The following GAS7 variants were observed in gnomAD, a reference collection of about 807,000 sequenced individuals.
GAS7 encodes growth arrest-specific protein 7.
In GAS7, 28 loss-of-function variants were observed where a neutral mutation model predicts 71.1. The ratio of observed to expected loss-of-function variants is 0.39; its 90% CI spans 0.29 to 0.54. The LOEUF (loss-of-function observed/expected upper bound fraction) is 0.54, where lower values mean the gene tolerates loss of function less well. Among genes scored for constraint, GAS7 ranks in the 20% least tolerant of loss-of-function variants. The pLI is 0.62. For missense variants in GAS7, 436 were observed against 627.8 expected (o/e 0.69, Z 3.27); for synonymous variants, 258 against 245.8 (o/e 1.05, Z -0.46).
At chr17:10,143,917 C>T (rs941725646) in intron 1 of GAS7, among the ~76,000 whole-genome samples, 3 of 152,190 alleles carry the variant, frequency 2.0e-5, no homozygotes, top group Non-Finnish European at 4.4e-5. Context: ...TGTGAGTGTG[C>T]TGGAAAATGG....
chr17:10,040,181 G>A (rs532930139), intron 1 of GAS7, among the ~76,000 whole-genome samples: 5 of 152,278 alleles, frequency 3.3e-5, no homozygotes, highest in African/African-American at 9.6e-5. Context: ...GAAAACAGAG[G>A]CTCCTGCGAG....
rs2067568949 is a variant in GAS7, at chr17:9,915,866, G to A, written c.*1362C>T. On this transcript the variant is annotated 3_prime_UTR_variant, in exon 14 of 14. Transcript: ENST00000432992. ...TGACATGGTGGAGAATGTGTTTGCT[G>A]TGGTAGAGAAAGGGAGAAAGTAATG... The A allele has an allele frequency of 4.3e-6, 1 of 232,104 alleles. No homozygotes were observed. The allele number at this position is 232,104 out of a possible 1,614,324, so 14.4% of individuals were successfully genotyped here. A position where few individuals can be genotyped will look rare whatever the true frequency, so the allele number is the denominator to read the frequency against.
chr17:10,118,117 G>C (rs1442935320), intron 1 of GAS7, among the ~76,000 whole-genome samples: 1 of 152,054 alleles, frequency 6.6e-6, no homozygotes, highest in Non-Finnish European at 1.5e-5. Flanking sequence ...TGCTCTCCAG[G>C]GCGTGGAGAC....
intron 1 of GAS7, among the ~76,000 whole-genome samples, chr17:10,172,794 A>G (rs1176947810): frequency 6.6e-6 from 1 of 152,226 alleles, no homozygotes; most frequent in Non-Finnish European, 1.5e-5. Context: ...CTTATTTCTC[A>G]AGTGCCTTTT....
At chr17:10,186,888 C>CAAAAAAA (rs10627234) in intron 1 of GAS7, among the ~76,000 whole-genome samples, 21 of 148,566 alleles carry the variant, frequency 1.4e-4, no homozygotes, top group Admixed American at 6.0e-4. Context: ...ATTCTGTCTC[C>CAAAAAAA]AAAAAAAAAC....
At chr17:9,945,698 C>A (rs779758235) in intron 6 of GAS7, among the ~76,000 whole-genome samples, 1 of 151,600 alleles carries the variant, frequency 6.6e-6, no homozygotes, top group South Asian at 2.1e-4. Flanking sequence ...CGGCTGGGCA[C>A]GATGGCTCAT....
At chr17:10,183,788 G>C (rs2074433514) in intron 1 of GAS7, among the ~76,000 whole-genome samples, 1 of 152,052 alleles carries the variant, frequency 6.6e-6, no homozygotes, top group Admixed American at 6.6e-5. Flanking sequence ...CTTGCAGTGA[G>C]CTGAGATAGC....
Position 9,910,744 on chromosome 17 carries a change from CG to C in GAS7, c.*6483del, listed in dbSNP as rs1346137093. ...GGTAACAGGGGTCAGGGGGGTGGTGCGGGGGCAGGTGGGTTACAGCCTCCAC... is the reference window on the plus strand; with the variant it reads ...GGTAACAGGGGTCAGGGGGGTGGTGCGGGGCAGGTGGGTTACAGCCTCCAC... On this transcript the variant is annotated 3_prime_UTR_variant, in exon 14 of 14. Coordinates refer to ENST00000432992, the MANE Select transcript of GAS7 (RefSeq NM_201433.2). 9.3e-6 allele frequency: 2 copies of C among 214,108 alleles called. No homozygotes were observed. The highest frequency in any genetic ancestry group is 2.3e-5 in the African/African-American group (1 of 43,720). The allele number at this position is 214,108 out of a possible 1,614,324, so 13.3% of individuals were successfully genotyped here. A position where few individuals can be genotyped will look rare whatever the true frequency, so the allele number is the denominator to read the frequency against.
At chr17:10,156,034 C>T (rs899033417) in intron 1 of GAS7, among the ~76,000 whole-genome samples, 3 of 152,222 alleles carry the variant, frequency 2.0e-5, no homozygotes, top group Admixed American at 1.3e-4. Flanking sequence ...CTTACTTGTT[C>T]CATTGCCCCA....
At chr17:10,048,723 T>C (rs2073017773) in intron 1 of GAS7, among the ~76,000 whole-genome samples, 1 of 152,160 alleles carries the variant, frequency 6.6e-6, no homozygotes, top group Non-Finnish European at 1.5e-5. Flanking sequence ...AATAGGAAGG[T>C]TCTGTTAGAG....
intron 1 of GAS7, among the ~76,000 whole-genome samples, chr17:10,164,512 A>G (rs953762278): frequency 4.0e-5 from 6 of 151,644 alleles, no homozygotes; most frequent in Non-Finnish European, 7.4e-5. Flanking sequence ...GAAAAGGTTT[A>G]ACTAGCCAGG....
chr17:10,177,511 T>G (rs919741434), intron 1 of GAS7, among the ~76,000 whole-genome samples: 2 of 151,950 alleles, frequency 1.3e-5, no homozygotes, highest in South Asian at 2.1e-4. Flanking sequence ...CAAGAGATAT[T>G]TACTAAGGAC....
rs1361678996 is a variant in GAS7 at position 10,019,663 on chromosome 17, T to C, written c.304+114A>G. 17 of 1,058,764 alleles carry C rather than the reference T, an allele frequency of 1.6e-5. No homozygotes were observed. The East Asian group carries it at 3.4e-4, about 21-fold the overall frequency. The allele number at this position is 1,058,764 out of a possible 1,614,324, so 65.6% of individuals were successfully genotyped here. ...TTTACTGTAGCCCCTGAGCATAGACTTAAGAAGAAAAAACCCCCAAACAGA... is the reference window on the plus strand; with the variant it reads ...TTTACTGTAGCCCCTGAGCATAGACCTAAGAAGAAAAAACCCCCAAACAGA... On this transcript the variant is annotated intron_variant, in intron 2 of 13. Transcript: ENST00000432992.
In GAS7 at chr17:9,925,716, C is replaced by CCA. The variant is rs1435630221; in HGVS notation, c.1015-119_1015-118dup. 8 of 1,103,876 alleles carry CCA rather than the reference C, an allele frequency of 7.2e-6. No individual in the cohort carries two copies. The East Asian group carries it at 1.2e-4, about 17-fold the overall frequency. 68.4% of individuals were successfully genotyped at this position (1,103,876 alleles called of 1,614,324 possible). A position where few individuals can be genotyped will look rare whatever the true frequency, so the allele number is the denominator to read the frequency against. ...TCGCCCCTTGTTTGTGTGGATGATGCCACAGTGGTCCAGAGAGGCCCAGCA... is the reference window on the plus strand; with the variant it reads ...TCGCCCCTTGTTTGTGTGGATGATGCCACACAGTGGTCCAGAGAGGCCCAGCA... On this transcript the variant is annotated intron_variant, in intron 10 of 13. Coordinates refer to ENST00000432992, the MANE Select transcript of GAS7 (RefSeq NM_201433.2).
intron 1 of GAS7, among the ~76,000 whole-genome samples, chr17:10,127,902 G>A (rs1042557045): frequency 2.6e-5 from 4 of 152,180 alleles, no homozygotes; most frequent in Non-Finnish European, 4.4e-5. Context: ...ACCACCACTC[G>A]GGCCACATAA....
chr17:9,969,034 G>A lies in GAS7; in HGVS notation c.471+643C>T, dbSNP rs2069841217. On this transcript the variant is annotated intron_variant, in intron 4 of 13. Transcript: ENST00000432992. This position sits in a 1 kb window ranked among gnomAD's most constrained non-coding sequence, Gnocchi z 5.5. Reference sequence around the variant, plus strand: ...CGCAACTAGAAAAGCCGTAAGCACTGACATCAAGGTCCAGTCTAACCACTG... The same window carrying A: ...CGCAACTAGAAAAGCCGTAAGCACTAACATCAAGGTCCAGTCTAACCACTG... Among the ~76,000 whole-genome samples the A allele has an allele frequency of 6.6e-6, 1 of 152,158 alleles. No homozygotes were observed. The highest frequency in any genetic ancestry group is 1.5e-5 in the Non-Finnish European group (1 of 68,036).
intron 5 of GAS7, among the ~76,000 whole-genome samples, chr17:9,953,408 C>T (rs1198881130): frequency 6.6e-6 from 1 of 152,172 alleles, no homozygotes; most frequent in Non-Finnish European, 1.5e-5. Flanking sequence ...GGATTTCTCC[C>T]TCCCAGGAAG....
intron 5 of GAS7, among the ~76,000 whole-genome samples, chr17:9,958,660 G>A (rs1304627513): frequency 6.8e-6 from 1 of 147,510 alleles, no homozygotes; most frequent in African/African-American, 2.5e-5. Context: ...GGGGGTGGGT[G>A]GGGTGGGCTC....
chr17:10,103,566 C>T lies in GAS7; in HGVS notation c.184-83669G>A, dbSNP rs2073727626. On this transcript the variant is annotated intron_variant, in intron 1 of 13. Coordinates refer to ENST00000432992, the MANE Select transcript of GAS7 (RefSeq NM_201433.2). The surrounding 1 kb of genome is among the most constrained non-coding windows in gnomAD (Gnocchi z 5.5). The stretch of plus-strand genomic sequence containing the variant: ...CCCGGCCAGGCGCGATGGCTCCCAC[C>T]TGTAATCCCAGCACTTTGGGAGGCC... 6.6e-6 allele frequency among the ~76,000 whole-genome samples: 1 copy of T among 152,124 alleles called. No individual in the cohort carries two copies. The highest frequency in any genetic ancestry group is 1.5e-5 in the Non-Finnish European group (1 of 68,018).
Sources: gnomAD v4.1 joint callset for allele counts (sites outside exome capture counted in the v4.1 genomes callset) on GRCh38, gnomAD v4.1.1 for gene constraint, Gnocchi (gnomAD v3.1) non-coding constraint, MANE v1.5 for transcripts, NCBI Gene and HGNC (gene_info 2026-07-23, HGNC 2026-07-21) for gene names.